Variants in COLEC10 observed in about 807,000 individuals in gnomAD.
The protein encoded by COLEC10 is collectin-10.
In COLEC10, 22 loss-of-function variants were observed where a neutral mutation model predicts 28.4. The observed-to-expected ratio is 0.78, with a 90% CI of 0.55 to 1.11. The LOEUF is 1.11. Among genes scored for constraint, COLEC10 ranks in the 50% least tolerant of loss-of-function variants. The probability of loss-of-function intolerance (pLI) is 0.00; values close to 1 mark genes in which losing one functional copy is unlikely to be tolerated. For synonymous variants in COLEC10, 125 were observed against 116.1 expected (o/e 1.08, Z -0.49); for missense variants, 361 against 344.1 (o/e 1.05, Z -0.39).
rs147821665 is a variant in COLEC10 at position 119,074,245 on chromosome 8, A to G, written c.148+6816A>G. Among the ~76,000 whole-genome samples, 1,391 of 152,238 alleles carry G rather than the reference A, an allele frequency of 9.1e-3. 14 individuals are homozygous for G. The highest frequency in any genetic ancestry group is 0.011 in the Non-Finnish European group (749 of 68,016). On this transcript the variant is annotated intron_variant, in intron 1 of 5. Transcript: ENST00000332843. ...TTTGATAGGACAACAGGGGAACTAT[A>G]GCCAGTAATAAATTAATTGTACATT...
chr8:119,007,501 T>C (rs528521916), intron 1 of COLEC10, among the ~76,000 whole-genome samples: 2 of 151,242 alleles, frequency 1.3e-5, no homozygotes, highest in Admixed American at 1.3e-4. Flanking sequence ...TAAGTAAAAG[T>C]AGCTTTCTAA....
At chr8:118,959,449 G>A in the COLEC10 span, among the ~76,000 whole-genome samples, 4 of 152,234 alleles carry the variant, frequency 2.6e-5, no homozygotes, top group African/African-American at 4.8e-5. Context: ...ATAAAGAACC[G>A]AATAATAGTA....
At chr8:118,955,833 T>C in the COLEC10 span, among the ~76,000 whole-genome samples, 1 of 152,162 alleles carries the variant, frequency 6.6e-6, no homozygotes, top group Non-Finnish European at 1.5e-5. Flanking sequence ...CAGGAGGGAC[T>C]GAAGAGGTGA....
intron 2 of COLEC10, among the ~76,000 whole-genome samples, chr8:119,042,776 C>G (rs766611465): frequency 6.6e-6 from 1 of 152,178 alleles, no homozygotes; most frequent in African/African-American, 2.4e-5. Context: ...TTATACCTGT[C>G]TTCTAAATAT....
chr8:118,974,916 A>G, the COLEC10 span, among the ~76,000 whole-genome samples: 1 of 152,018 alleles, frequency 6.6e-6, no homozygotes, highest in Non-Finnish European at 1.5e-5. Flanking sequence ...TGGGGGAAAA[A>G]GGGAGACATT....
intron 2 of COLEC10, among the ~76,000 whole-genome samples, chr8:119,027,386 C>G (rs1379440381): frequency 6.6e-6 from 1 of 152,092 alleles, no homozygotes; most frequent in African/African-American, 2.4e-5. Context: ...TGATATTTCC[C>G]TAGTTCAGAT....
At chr8:118,978,646 A>T in the COLEC10 span, among the ~76,000 whole-genome samples, 1 of 152,222 alleles carries the variant, frequency 6.6e-6, no homozygotes, top group Middle Eastern at 3.4e-3. Flanking sequence ...CTTGCATTAT[A>T]TATATACACA....
intron 2 of COLEC10, among the ~76,000 whole-genome samples, chr8:119,045,136 A>C (rs1472174452): frequency 6.6e-6 from 1 of 152,168 alleles, no homozygotes; most frequent in East Asian, 1.9e-4. Flanking sequence ...AAATTTCAGA[A>C]GGGATGAGAA....
In COLEC10 at chr8:119,067,402, A is replaced by G. The variant is rs1480704888; in HGVS notation, c.121A>G (p.Thr41Ala). Residue 41 changes from threonine (T) to alanine (A), a missense_variant, in exon 1 of 6, where the codon ACA becomes GCA. Coordinates refer to ENST00000332843, the MANE Select transcript of COLEC10 (RefSeq NM_006438.5). ...CCGTCCTACCGCTGAAGTCTGTGCC[A>G]CACACACAATTTCACCAGGACCCAA... ...DSRPTAEVCA[T>A]HTISPGPKGD... 2 of 1,613,964 alleles carry G rather than the reference A, an allele frequency of 1.2e-6. No individual in the cohort carries two copies. The highest frequency in any genetic ancestry group is 2.2e-5 in the East Asian group (1 of 44,868).
At chr8:119,095,147 A>G (rs1054989081) in intron 3 of COLEC10, among the ~76,000 whole-genome samples, 2 of 152,234 alleles carry the variant, frequency 1.3e-5, no homozygotes, top group Non-Finnish European at 2.9e-5. Flanking sequence ...ATGGCTTGAC[A>G]TACAAAAATC....
At chr8:119,017,890 T>C (rs1008099230) in intron 2 of COLEC10, among the ~76,000 whole-genome samples, 6 of 152,152 alleles carry the variant, frequency 3.9e-5, no homozygotes, top group Non-Finnish European at 7.3e-5. Context: ...GTTTAAGAAG[T>C]CTGAGAATTC....
intron 2 of COLEC10, among the ~76,000 whole-genome samples, chr8:119,040,488 G>GTGGACAGC (rs1814474071): frequency 2.0e-5 from 3 of 152,130 alleles, no homozygotes; most frequent in Admixed American, 2.0e-4. Flanking sequence ...ATAAATATAA[G>GTGGACAGC]TGGACAGCCC....
chr8:118,993,388 C>T (rs1400871043), upstream of COLEC10, among the ~76,000 whole-genome samples: 1 of 152,090 alleles, frequency 6.6e-6, no homozygotes, highest in East Asian at 1.9e-4. Context: ...GAGTTTCACT[C>T]TTGTTGCCCA....
intron 2 of COLEC10, among the ~76,000 whole-genome samples, chr8:119,031,672 C>A (rs1459962084): frequency 1.3e-5 from 2 of 152,140 alleles, no homozygotes; most frequent in East Asian, 1.9e-4. Context: ...CTTTCCCATT[C>A]CCCTATATCT....
chr8:119,084,620 T>C (rs924039058), intron 1 of COLEC10, among the ~76,000 whole-genome samples: 1 of 152,224 alleles, frequency 6.6e-6, no homozygotes, highest in Non-Finnish European at 1.5e-5. Context: ...AAGGTGACTT[T>C]TTCAAATGCC....
At chr8:118,994,475 C>T (rs1339842020), upstream of COLEC10, among the ~76,000 whole-genome samples, 1 of 152,142 alleles carries the variant, frequency 6.6e-6, no homozygotes, top group African/African-American at 2.4e-5. Context: ...TTACTTAGTG[C>T]TATGTGTCAG....
chr8:119,090,263 G>A (rs897882251), intron 2 of COLEC10, among the ~76,000 whole-genome samples: 4 of 152,202 alleles, frequency 2.6e-5, no homozygotes, highest in African/African-American at 9.6e-5. Flanking sequence ...TACGGGAGGA[G>A]TGGAATCAAA....
chr8:119,040,137 T>A (rs1027821416), intron 2 of COLEC10, among the ~76,000 whole-genome samples: 1 of 152,160 alleles, frequency 6.6e-6, no homozygotes, highest in Non-Finnish European at 1.5e-5. Context: ...GTACAGATAA[T>A]ATTAAATTAT....
chr8:118,969,126 A>AT, the COLEC10 span, among the ~76,000 whole-genome samples: 1 of 152,038 alleles, frequency 6.6e-6, no homozygotes, highest in African/African-American at 2.4e-5. Context: ...AATTGTGACA[A>AT]TGGAAGTAGA....
Sources: gnomAD v4.1 joint callset for allele counts (sites outside exome capture counted in the v4.1 genomes callset) on GRCh38, gnomAD v4.1.1 for gene constraint, MANE v1.5 for transcripts, NCBI Gene and HGNC (gene_info 2026-07-23, HGNC 2026-07-21) for gene names.